The following TMEM132D variants were observed in gnomAD, a reference collection of about 807,000 sequenced individuals.
TMEM132D encodes mature OL transmembrane protein.
In TMEM132D, 21 loss-of-function variants were observed where a neutral mutation model predicts 62.3. The ratio of observed to expected loss-of-function variants is 0.34; its 90% CI spans 0.24 to 0.49. The LOEUF is 0.49. TMEM132D is among the 20% of genes least tolerant of loss of function. TMEM132D has a pLI of 0.99. For synonymous variants in TMEM132D, 621 were observed against 575.6 expected (o/e 1.08, Z -1.13); for missense variants, 1,346 against 1,402.8 (o/e 0.96, Z 0.65).
intron 8 of TMEM132D, among the ~76,000 whole-genome samples, 159 bp from the exon 9 acceptor site, chr12:129,075,218 T>C (rs1426026336): frequency 6.6e-6 from 1 of 150,970 alleles, no homozygotes; most frequent in Non-Finnish European, 1.5e-5. Context: ...ACCAAGAGTA[T>C]AAAAGAAAAT....
chr12:129,354,121 C>A (rs1011605695), intron 3 of TMEM132D, among the ~76,000 whole-genome samples: 1 of 152,028 alleles, frequency 6.6e-6, no homozygotes, highest in Non-Finnish European at 1.5e-5. Context: ...TCAGCCCAGG[C>A]ACAGACAAGG....
intron 1 of TMEM132D, among the ~76,000 whole-genome samples, chr12:129,876,336 A>C (rs1332842562): frequency 6.6e-6 from 1 of 152,234 alleles, no homozygotes; most frequent in Non-Finnish European, 1.5e-5. Flanking sequence ...AAAGTCCAAA[A>C]GAAAGAACAA....
At position 129,485,613 on chromosome 12, in the gene TMEM132D, C is replaced by T. The variant is rs192819194; in HGVS notation, c.1115+45446G>A. On this transcript the variant is annotated intron_variant, in intron 3 of 8. Transcript: ENST00000422113. Reference sequence around the variant, plus strand: ...CCAGTGTACTCCCTACAGGAACAAACGCAAGACCAGGTGGCAGCTGTTTGC... The same window carrying T: ...CCAGTGTACTCCCTACAGGAACAAATGCAAGACCAGGTGGCAGCTGTTTGC... Among the ~76,000 whole-genome samples the T allele has an allele frequency of 1.5e-3, 233 of 152,298 alleles. 1 individual carries two copies. Among genetic ancestry groups the T allele is most frequent in the African/African-American group, 5.3e-3 (221 of 41,574 alleles).
intron 1 of TMEM132D, among the ~76,000 whole-genome samples, chr12:129,889,500 A>G (rs917402256): frequency 6.6e-6 from 1 of 152,200 alleles, no homozygotes; most frequent in Non-Finnish European, 1.5e-5. Flanking sequence ...TTCCTGCAGC[A>G]CAGCCAACCT....
At chr12:129,476,376 A>C (rs917347045) in intron 3 of TMEM132D, among the ~76,000 whole-genome samples, 4 of 152,218 alleles carry the variant, frequency 2.6e-5, no homozygotes, top group Non-Finnish European at 5.9e-5. Flanking sequence ...AAACCAAGTC[A>C]TCCACAGCCA....
intron 8 of TMEM132D, among the ~76,000 whole-genome samples, chr12:129,076,950 C>T (rs1036703737): frequency 5.3e-5 from 8 of 152,232 alleles, no homozygotes; most frequent in Non-Finnish European, 1.2e-4. Flanking sequence ...ACTTGCCTCT[C>T]GGCTGGCATC....
chr12:129,819,125 A>G (rs1244045449), intron 1 of TMEM132D, among the ~76,000 whole-genome samples: 2 of 152,072 alleles, frequency 1.3e-5, no homozygotes, highest in Non-Finnish European at 2.9e-5. Flanking sequence ...GAGACAGCCT[A>G]GAAAAGGAAC....
intron 2 of TMEM132D, among the ~76,000 whole-genome samples, chr12:129,682,716 G>A (rs753838937): frequency 1.2e-4 from 18 of 151,896 alleles, no homozygotes; most frequent in South Asian, 2.1e-4. Context: ...AGTATCAGCC[G>A]GGCGTGGTGG....
At chr12:129,754,235 C>A (rs1168938982) in intron 1 of TMEM132D, among the ~76,000 whole-genome samples, 1 of 152,192 alleles carries the variant, frequency 6.6e-6, no homozygotes, top group African/African-American at 2.4e-5. Flanking sequence ...GAAACAGAAT[C>A]CCTATCAGAT....
intron 1 of TMEM132D, among the ~76,000 whole-genome samples, chr12:129,778,114 C>CACA (rs1871002860): frequency 1.2e-5 from 1 of 85,364 alleles, no homozygotes; most frequent in South Asian, 4.5e-4. Context: ...GACCCTGTCT[C>CACA]AAAAAAAAAA....
chr12:129,881,303 T>C (rs759899679), intron 1 of TMEM132D, among the ~76,000 whole-genome samples: 1 of 152,036 alleles, frequency 6.6e-6, no homozygotes, highest in Non-Finnish European at 1.5e-5. Context: ...AAAATATACA[T>C]AAAGAAAATT....
chr12:129,743,964 G>A (rs1388643503), intron 1 of TMEM132D, among the ~76,000 whole-genome samples: 1 of 147,980 alleles, frequency 6.8e-6, no homozygotes, highest in African/African-American at 2.7e-5. Context: ...AGCGTGTGCT[G>A]TTTCAAGTCA....
chr12:129,178,441 T>TGG (rs1877970686), intron 5 of TMEM132D, among the ~76,000 whole-genome samples: 22 of 151,904 alleles, frequency 1.4e-4, no homozygotes, highest in Admixed American at 1.4e-3. Context: ...CTGTTTTTTT[T>TGG]TTTTTTTTGT....
At chr12:129,251,763 T>G (rs1222629207) in intron 4 of TMEM132D, among the ~76,000 whole-genome samples, 5 of 152,172 alleles carry the variant, frequency 3.3e-5, no homozygotes, top group Non-Finnish European at 7.4e-5. Flanking sequence ...TAGGAGGGAA[T>G]AATGTGTCCT....
At chr12:129,202,353 T>A (rs1282227551) in intron 5 of TMEM132D, among the ~76,000 whole-genome samples, 1 of 152,214 alleles carries the variant, frequency 6.6e-6, no homozygotes, top group African/African-American at 2.4e-5. Flanking sequence ...GGTGACTCTT[T>A]GTCAACATCT....
chr12:129,589,022 CT>C (rs1878117697), intron 2 of TMEM132D, among the ~76,000 whole-genome samples: 1 of 151,984 alleles, frequency 6.6e-6, no homozygotes, highest in Admixed American at 6.5e-5. Context: ...AAGCACTCAT[CT>C]TTTTCTTTCC....
intron 2 of TMEM132D, among the ~76,000 whole-genome samples, chr12:129,539,985 T>C (rs1488565267): frequency 6.6e-6 from 1 of 152,158 alleles, no homozygotes; most frequent in Non-Finnish European, 1.5e-5. Context: ...GGCTGGCTGA[T>C]GGCTTTGGGG....
At chr12:129,458,523 G>T (rs1213510762) in intron 3 of TMEM132D, among the ~76,000 whole-genome samples, 2 of 151,968 alleles carry the variant, frequency 1.3e-5, no homozygotes, top group Non-Finnish European at 2.9e-5. Flanking sequence ...GGTTTAATCA[G>T]ATGTGTCTGG....
At position 129,654,255 on chromosome 12, in the gene TMEM132D, T is replaced by TTCTC. The variant is rs368963587; in HGVS notation, c.968+45551_968+45554dup. 3.4e-5 allele frequency among the ~76,000 whole-genome samples: 5 copies of TTCTC among 147,586 alleles called. No individual in the cohort carries two copies. The Admixed American group carries it at 3.5e-4, about 10-fold the overall frequency. ...TTCCCATCAGTCTCAGTCTCTCTCTTTCTCTCTCTCTCTCTCACTCTCTCG... is the reference window on the plus strand; with the variant it reads ...TTCCCATCAGTCTCAGTCTCTCTCTTTCTCTCTCTCTCTCTCTCTCACTCTCTCG... On this transcript the variant is annotated intron_variant, in intron 2 of 8. Transcript: ENST00000422113.
Sources: gnomAD v4.1 joint callset for allele counts (sites outside exome capture counted in the v4.1 genomes callset) on GRCh38, gnomAD v4.1.1 for gene constraint, MANE v1.5 for transcripts, NCBI Gene and HGNC (gene_info 2026-07-23, HGNC 2026-07-21) for gene names.